Variants in STAG1 observed in about 807,000 individuals in gnomAD.
STAG1 encodes cohesin subunit SA-1.
A neutral mutation model predicts 170.9 loss-of-function variants in STAG1; 26 were observed. That is an observed-to-expected ratio of 0.15 (90% CI 0.11 to 0.21). STAG1 has a LOEUF of 0.21. Ranked by LOEUF, STAG1 falls within the 10% of genes least tolerant of loss-of-function variation. The pLI is 1.00. For synonymous variants in STAG1, 514 were observed against 497.7 expected (o/e 1.03, Z -0.44); for missense variants, 964 against 1,509.5 (o/e 0.64, Z 5.99).
chr3:136,615,390 TGCACTCCA>T (rs1185621647), intron 3 of STAG1, among the ~76,000 whole-genome samples: 1 of 125,774 alleles, frequency 8.0e-6, no homozygotes, highest in Non-Finnish European at 1.6e-5. Flanking sequence ...ATCGTGTCAC[TGCACTCCA>T]GCCTGGGTGA....
chr3:136,502,642 G>C lies in STAG1; in HGVS notation c.814C>G (p.Gln272Glu). Reference protein sequence around the residue: ...RANERLELLLQKRKELQENQD... With the variant: ...RANERLELLLEKRKELQENQD... ...ATGAAACTTACCTCTTTGCGTTTCT[G>C]AAGTAGTAACTCCAACCTTTCATTG... is the stretch of plus-strand genomic sequence containing the variant. Residue 272 changes from glutamine (Q) to glutamate (E), a missense_variant, in exon 8 of 34, where the codon CAG becomes GAG. This residue lies in a region of STAG1 where 57 missense variants were observed against 157.6 expected (regional missense o/e 0.36). Coordinates refer to ENST00000383202, the MANE Select transcript of STAG1 (RefSeq NM_005862.3). 1 of 1,613,204 alleles carries C rather than the reference G, an allele frequency of 6.2e-7. No homozygotes were observed. The highest frequency in any genetic ancestry group is 2.2e-5 in the East Asian group (1 of 44,814).
chr3:136,506,356 C>T (rs958828139), intron 7 of STAG1, among the ~76,000 whole-genome samples: 10 of 151,408 alleles, frequency 6.6e-5, no homozygotes, highest in African/African-American at 2.2e-4. Context: ...CCAGGCCAGG[C>T]GAGGGGGCTC....
intron 1 of STAG1, among the ~76,000 whole-genome samples, chr3:136,711,140 C>T (rs967159037): frequency 4.6e-5 from 7 of 151,936 alleles, no homozygotes; most frequent in African/African-American, 1.2e-4. Context: ...ATATGCAAGA[C>T]TTCTAACTAG....
At chr3:136,515,149 G>C (rs919181057) in intron 7 of STAG1, among the ~76,000 whole-genome samples, 1 of 152,118 alleles carries the variant, frequency 6.6e-6, no homozygotes, top group Non-Finnish European at 1.5e-5. Context: ...CGGACTGCCC[G>C]AGGTGAGGAG....
chr3:136,744,356 T>G (rs962380966), intron 1 of STAG1, among the ~76,000 whole-genome samples: 1 of 152,128 alleles, frequency 6.6e-6, no homozygotes, highest in Non-Finnish European at 1.5e-5. Context: ...ATTTCATTCA[T>G]CAGGAATATA....
intron 7 of STAG1, among the ~76,000 whole-genome samples, chr3:136,513,153 C>T (rs1198839459): frequency 6.6e-6 from 1 of 151,990 alleles, no homozygotes; most frequent in Non-Finnish European, 1.5e-5. Context: ...GTCAGGAGTT[C>T]GAGACCAACT....
chr3:136,362,623 GA>G (rs1301041525), intron 26 of STAG1, among the ~76,000 whole-genome samples: 9 of 126,898 alleles, frequency 7.1e-5, no homozygotes, highest in East Asian at 7.0e-4. Flanking sequence ...AAAAAAAAAA[GA>G]AAAAAAAAGA....
chr3:136,381,080 A>G lies in STAG1; in HGVS notation c.2278-3328T>C, dbSNP rs145684491. ...AACATAGGAACAAATGCAGTTAGTA[A>G]TAGTTAAATTTTAGAGATGATGATT... On this transcript the variant is annotated intron_variant, in intron 22 of 33. Coordinates refer to ENST00000383202, the MANE Select transcript of STAG1 (RefSeq NM_005862.3). Among the ~76,000 whole-genome samples, 10 of 152,084 alleles carry G rather than the reference A, an allele frequency of 6.6e-5. No homozygotes were observed. The East Asian group carries it at 1.9e-3, about 29-fold the overall frequency.
At chr3:136,527,556 A>G (rs758433960) in intron 6 of STAG1, among the ~76,000 whole-genome samples, 7 of 152,050 alleles carry the variant, frequency 4.6e-5, no homozygotes, top group Non-Finnish European at 7.4e-5. Context: ...TTAGCTCAGA[A>G]AAGTTTGATC....
intron 1 of STAG1, among the ~76,000 whole-genome samples, chr3:136,722,883 G>T (rs1671564856): frequency 6.6e-6 from 1 of 152,140 alleles, no homozygotes; most frequent in South Asian, 2.1e-4. Flanking sequence ...TGGTGGAGAC[G>T]GGGTTTCGCT....
chr3:136,407,840 G>T lies in STAG1; in HGVS notation c.2197-9011C>A, dbSNP rs1188462491. ...GAACCTAGGAGGTGGAGGTTGCAGT[G>T]AGCCGAGATCACGCCACTGCACTCC... On this transcript the variant is annotated intron_variant, in intron 21 of 33. Transcript: ENST00000383202. Among the ~76,000 whole-genome samples the T allele has an allele frequency of 2.0e-5, 3 of 150,268 alleles. No individual in the cohort carries two copies. The East Asian group carries it at 6.0e-4, about 30-fold the overall frequency.
At chr3:136,378,305 A>G (rs1937723358) in intron 22 of STAG1, among the ~76,000 whole-genome samples, 1 of 152,232 alleles carries the variant, frequency 6.6e-6, no homozygotes, top group Non-Finnish European at 1.5e-5. Context: ...AGAAATCTTC[A>G]TAGGAGGATG....
chr3:136,427,951 G>A (rs922097059), intron 16 of STAG1, among the ~76,000 whole-genome samples: 2 of 152,108 alleles, frequency 1.3e-5, no homozygotes, highest in African/African-American at 4.8e-5. Flanking sequence ...AATGTCAAGA[G>A]AAGAGGAAAA....
In STAG1 at chr3:136,712,008, C is replaced by G. The variant is rs79001398; in HGVS notation, c.-84+40187G>C. On this transcript the variant is annotated intron_variant, in intron 1 of 33. Coordinates refer to ENST00000383202, the MANE Select transcript of STAG1 (RefSeq NM_005862.3). The stretch of plus-strand genomic sequence containing the variant: ...AAAAAACCTGACGTATGTACCTATT[C>G]AGATAACTTTTTTTGTTTGTTTGTT... Among the ~76,000 whole-genome samples the G allele has an allele frequency of 5.5e-4, 83 of 152,184 alleles. No individual in the cohort carries two copies. The East Asian group carries it at 0.014, about 25-fold the overall frequency.
chr3:136,546,119 T>C (rs549613613), intron 5 of STAG1, among the ~76,000 whole-genome samples: 3 of 152,302 alleles, frequency 2.0e-5, no homozygotes, highest in African/African-American at 7.2e-5. Flanking sequence ...AGCACTATCC[T>C]AGCTAGAGCT....
intron 5 of STAG1, among the ~76,000 whole-genome samples, chr3:136,558,139 C>A (rs1936698348): frequency 6.6e-6 from 1 of 152,160 alleles, no homozygotes; most frequent in South Asian, 2.1e-4. Context: ...TGCCTGTAAT[C>A]CCAGCACTTT....
At position 136,519,535 on chromosome 3, in the gene STAG1, G is replaced by GT. The variant is rs199724394; in HGVS notation, c.676+1677dup. On this transcript the variant is annotated intron_variant, in intron 7 of 33. Transcript: ENST00000383202. ...AAGCAATTTCTACTTTATTTTCAAG[G>GT]TTTTTTTTTCCAAATTGCTGAATTT... 6.7e-3 allele frequency among the ~76,000 whole-genome samples: 1,011 copies of GT among 150,494 alleles called. 12 individuals carry two copies. Among genetic ancestry groups the GT allele is most frequent in the African/African-American group, 0.023 (940 of 41,008 alleles).
At chr3:136,474,721 G>A (rs1443838293) in intron 10 of STAG1, among the ~76,000 whole-genome samples, 2 of 152,218 alleles carry the variant, frequency 1.3e-5, no homozygotes, top group Non-Finnish European at 1.5e-5. Context: ...ACAAGCGAAA[G>A]CTGAAGTGCC....
At chr3:136,579,958 ATTTTTTTTTTT>A (rs749325884) in intron 4 of STAG1, among the ~76,000 whole-genome samples, 63 of 73,646 alleles carry the variant, frequency 8.6e-4, no homozygotes, top group African/African-American at 2.1e-3. Flanking sequence ...TACCATCTGA[ATTTTTTTTTTT>A]TTTTTTTTTT....
Sources: allele counts gnomAD v4.1 joint callset (sites outside exome capture counted in the v4.1 genomes callset), GRCh38; gene constraint gnomAD v4.1.1; regional missense constraint gnomAD v4.1.1; transcripts MANE v1.5; gene names NCBI Gene and HGNC (gene_info 2026-07-23, HGNC 2026-07-21).